The following GRIA1 variants were observed in gnomAD, a reference collection of about 807,000 sequenced individuals.
GRIA1 encodes the protein glutamate receptor 1.
GRIA1 carries 31 observed loss-of-function variants against 99.2 expected under a neutral mutation model. That is an observed-to-expected ratio of 0.31 (90% CI 0.23 to 0.42). The LOEUF (loss-of-function observed/expected upper bound fraction) is 0.42. Among genes scored for constraint, GRIA1 ranks in the 10% least tolerant of loss-of-function variants. The pLI is 1.00. For synonymous variants in GRIA1, 438 were observed against 432.4 expected (o/e 1.01, Z -0.16); for missense variants, 782 against 1,157.5 (o/e 0.68, Z 4.71).
At chr5:153,700,921 T>C (rs1419203060) in intron 10 of GRIA1, among the ~76,000 whole-genome samples, 1 of 152,168 alleles carries the variant, frequency 6.6e-6, no homozygotes, top group Non-Finnish European at 1.5e-5. Flanking sequence ...AGTTGGGGAA[T>C]GGGATGTGCT....
chr5:153,791,135 TAA>T (rs869089381), intron 13 of GRIA1, among the ~76,000 whole-genome samples: 1 of 130,394 alleles, frequency 7.7e-6, no homozygotes, highest in African/African-American at 3.1e-5. Flanking sequence ...TCTGTCTCCT[TAA>T]AAAAAAAGAA....
intron 2 of GRIA1, among the ~76,000 whole-genome samples, chr5:153,644,067 T>C (rs1299853467): frequency 2.0e-5 from 3 of 152,232 alleles, no homozygotes; most frequent in Admixed American, 6.5e-5. Context: ...GAAGAGATCC[T>C]AAAAATACTG....
At chr5:153,790,171 G>C (rs1765209461) in intron 13 of GRIA1, among the ~76,000 whole-genome samples, 1 of 152,134 alleles carries the variant, frequency 6.6e-6, no homozygotes, top group Non-Finnish European at 1.5e-5. Flanking sequence ...GAGGCAGGTA[G>C]GAGGCTAATG....
intron 4 of GRIA1, among the ~76,000 whole-genome samples, chr5:153,654,864 A>C: frequency 6.6e-6 from 1 of 152,162 alleles, no homozygotes; most frequent in East Asian, 1.9e-4. Context: ...CTGCAGGCTG[A>C]GCTAGATCTA....
At chr5:153,629,798 A>T (rs1468099141) in intron 2 of GRIA1, among the ~76,000 whole-genome samples, 3 of 152,084 alleles carry the variant, frequency 2.0e-5, no homozygotes, top group African/African-American at 4.8e-5. Flanking sequence ...TGCAGAATTT[A>T]TTTCATTTTC....
chr5:153,664,402 A>G (rs1304046850), intron 5 of GRIA1, among the ~76,000 whole-genome samples: 1 of 152,146 alleles, frequency 6.6e-6, no homozygotes, highest in African/African-American at 2.4e-5. Flanking sequence ...TGACATGCAC[A>G]GGCAGTTTCT....
At chr5:153,774,139 A>G (rs75251227) in intron 13 of GRIA1, among the ~76,000 whole-genome samples, 7,592 of 140,102 alleles carry the variant, frequency 0.054, 223 homozygotes, top group Middle Eastern at 0.13. Flanking sequence ...ACCCCATATG[A>G]TGCCATTTGA....
rs374716174 is a variant in GRIA1 at position 153,519,452 on chromosome 5, G to C, written c.220+25387G>C. On this transcript the variant is annotated intron_variant, in intron 2 of 15. Coordinates refer to ENST00000285900, the MANE Select transcript of GRIA1 (RefSeq NM_000827.4). ...TTTTATGGGATACTAGATCAGACTA[G>C]ATCAGAGTCTGAAGTTTTTCTGTAA... is the stretch of plus-strand genomic sequence containing the variant. Among the ~76,000 whole-genome samples the C allele has an allele frequency of 1.2e-4, 18 of 151,722 alleles. No homozygotes were observed. The South Asian group carries it at 2.9e-3, about 25-fold the overall frequency.
intron 13 of GRIA1, among the ~76,000 whole-genome samples, chr5:153,773,038 A>G (rs1483618965): frequency 6.6e-6 from 1 of 152,134 alleles, no homozygotes; most frequent in Non-Finnish European, 1.5e-5. Context: ...GAAATACTGG[A>G]GTGACATGAA....
chr5:153,545,666 A>G (rs1759547426), intron 2 of GRIA1, among the ~76,000 whole-genome samples: 1 of 152,132 alleles, frequency 6.6e-6, no homozygotes, highest in Non-Finnish European at 1.5e-5. Flanking sequence ...AAAAACCCAG[A>G]TAGTAAATGT....
At chr5:153,674,752 C>T in intron 6 of GRIA1, 91 bp downstream of exon 6, 1 of 1,354,832 alleles carries the variant, frequency 7.4e-7, no homozygotes, top group Non-Finnish European at 1.0e-6. Context: ...ACAAAGGAAT[C>T]AGTTTTCTAA....
chr5:153,542,957 G>A (rs1247780474), intron 2 of GRIA1, among the ~76,000 whole-genome samples: 2 of 152,334 alleles, frequency 1.3e-5, no homozygotes, highest in Non-Finnish European at 2.9e-5. Context: ...ACCAGGGTTT[G>A]GCTGTCATCT....
chr5:153,635,784 A>G (rs977567386), intron 2 of GRIA1, among the ~76,000 whole-genome samples: 2 of 152,146 alleles, frequency 1.3e-5, no homozygotes, highest in African/African-American at 4.8e-5. Flanking sequence ...GTCCCTTGGT[A>G]CATATTCACT....
intron 5 of GRIA1, among the ~76,000 whole-genome samples, chr5:153,661,393 T>C (rs1475218785): frequency 6.6e-6 from 1 of 152,240 alleles, no homozygotes. Flanking sequence ...TGATATTATG[T>C]ACATTCTTAT....
intron 11 of GRIA1, among the ~76,000 whole-genome samples, chr5:153,729,633 T>C (rs1760864934): frequency 6.6e-6 from 1 of 152,066 alleles, no homozygotes; most frequent in Non-Finnish European, 1.5e-5. Flanking sequence ...TTGGGTTACA[T>C]TTCATCTTGT....
chr5:153,722,795 G>A (rs1412039111), intron 11 of GRIA1, among the ~76,000 whole-genome samples: 3 of 152,176 alleles, frequency 2.0e-5, no homozygotes, highest in Non-Finnish European at 4.4e-5. Flanking sequence ...TCTTCACATA[G>A]AGACTCCTAC....
chr5:153,788,797 A>G (rs1217711221), intron 13 of GRIA1, among the ~76,000 whole-genome samples: 2 of 152,238 alleles, frequency 1.3e-5, no homozygotes, highest in African/African-American at 4.8e-5. Context: ...ATTCATGGTT[A>G]TTAAAGAGGG....
chr5:153,603,912 G>T (rs1422889012), intron 2 of GRIA1, among the ~76,000 whole-genome samples: 2 of 151,986 alleles, frequency 1.3e-5, no homozygotes, highest in African/African-American at 4.8e-5. Context: ...GTACAGGATT[G>T]GATATATAGT....
intron 15 of GRIA1, among the ~76,000 whole-genome samples, chr5:153,803,273 T>C (rs1766179166): frequency 6.6e-6 from 1 of 152,180 alleles, no homozygotes; most frequent in Non-Finnish European, 1.5e-5. Flanking sequence ...AAGTAGAGGA[T>C]GAATAACTCT....
Sources: gnomAD v4.1 joint callset for allele counts (sites outside exome capture counted in the v4.1 genomes callset) on GRCh38, gnomAD v4.1.1 for gene constraint, MANE v1.5 for transcripts, NCBI Gene and HGNC (gene_info 2026-07-23, HGNC 2026-07-21) for gene names.